ATL3: variants seen among roughly 807,000 people sequenced by gnomAD.
ATL3 encodes atlastin GTPase 3, also known as atlastin-3.
A neutral mutation model predicts 69.5 loss-of-function variants in ATL3; 49 were observed. That is an observed-to-expected ratio of 0.71 (90% confidence interval 0.56 to 0.89). The LOEUF (loss-of-function observed/expected upper bound fraction) is 0.89, where lower values mean the gene tolerates loss of function less well. Ranked by LOEUF, ATL3 falls within the 40% of genes least tolerant of loss-of-function variation. The pLI is 0.00. For missense variants in ATL3, 606 were observed against 645.7 expected, an observed-to-expected ratio of 0.94 and a Z score of 0.67; for synonymous variants, 214 against 224.1, an observed-to-expected ratio of 0.95 and a Z score of 0.40.
rs1266778323 is a variant in ATL3, at chr11:63,627,376, A to C, written c.*1943T>G. 1 of 152,216 alleles carries C rather than the reference A, an allele frequency of 6.6e-6. No individual in the cohort carries two copies. Among genetic ancestry groups the C allele is most frequent in the African/African-American group, 2.4e-5 (1 of 41,464 alleles). The allele number at this position is 152,216 out of a possible 1,614,324, so 9.4% of individuals were successfully genotyped here. On this transcript the variant is annotated 3_prime_UTR_variant, in exon 13 of 13. Transcript: ENST00000398868. ...TTCTAAAGTGTAACAGCAGTGAATA[A>C]AATAGCAAGAACTATTTGCAAGATG...
intron 12 of ATL3, among the ~76,000 whole-genome samples, chr11:63,629,870 C>T (rs1262232452): frequency 1.3e-5 from 2 of 151,492 alleles, no homozygotes; most frequent in Non-Finnish European, 2.9e-5. Context: ...AGCAAGACCT[C>T]GTCTCCAAAA....
chr11:63,670,395 A>G (rs1419578174), intron 1 of ATL3: 2 of 152,348 alleles, frequency 1.3e-5, no homozygotes, highest in East Asian at 1.9e-4. Flanking sequence ...AAAACGTTCC[A>G]TTGCTTCGTA....
intron 1 of ATL3, among the ~76,000 whole-genome samples, chr11:63,668,553 A>C (rs1389422546): frequency 6.6e-6 from 1 of 152,232 alleles, no homozygotes; most frequent in Non-Finnish European, 1.5e-5. Context: ...GAACAAAACC[A>C]TATTTTTTGT....
chr11:63,624,649 A>G lies in ATL3; in HGVS notation c.*4670T>C, dbSNP rs1939045896. 6.6e-6 allele frequency: 1 copy of G among 152,212 alleles called. No homozygotes were observed. The highest frequency in any genetic ancestry group is 2.4e-5 in the African/African-American group (1 of 41,452). The allele number at this position is 152,212 out of a possible 1,614,324, so 9.4% of individuals were successfully genotyped here. On this transcript the variant is annotated 3_prime_UTR_variant, in exon 13 of 13. Transcript: ENST00000398868. ...TTACTTTTTAAAAGAAAAACTATCA[A>G]AAATTGCTTTTAAAAAATCCTAATT...
chr11:63,670,858 C>T (rs551274401), intron 1 of ATL3, among the ~76,000 whole-genome samples: 7 of 152,358 alleles, frequency 4.6e-5, no homozygotes, highest in African/African-American at 1.7e-4. Context: ...ATTCTCCGAC[C>T]AGAGAGGGCG....
intron 5 of ATL3, among the ~76,000 whole-genome samples, chr11:63,649,558 G>A (rs1285153695): frequency 1.3e-5 from 2 of 150,708 alleles, no homozygotes; most frequent in African/African-American, 4.9e-5. Context: ...TAAAGACAGA[G>A]TCTCACTCTG....
intron 1 of ATL3, among the ~76,000 whole-genome samples, chr11:63,661,159 C>T (rs483144): frequency 1.3e-5 from 2 of 150,808 alleles, no homozygotes; most frequent in African/African-American, 2.4e-5. Context: ...GAGGCAGAAG[C>T]TGCAGTGAGC....
chr11:63,661,361 C>T (rs901745645), intron 1 of ATL3, among the ~76,000 whole-genome samples: 1 of 152,082 alleles, frequency 6.6e-6, no homozygotes, highest in Non-Finnish European at 1.5e-5. Flanking sequence ...GTTTTAGAAG[C>T]TATTAATTCT....
Position 63,659,226 on chromosome 11 carries a change from C to T in ATL3, c.73G>A (p.Gly25Ser). Reference protein sequence around the residue: ...ADDAMESSKPGPVQVVLVQKD... With the variant: ...ADDAMESSKPSPVQVVLVQKD... ...TGAACCAAAACAACCTGCACTGGAC[C>T]AGGCTTGCTGCTCTCCATGGCATCA... The change falls in exon 2 of 13, where the codon GGT becomes AGT. Residue 25 changes from glycine to serine, a missense_variant. Gly to Ser is a moderately conservative substitution (Grantham distance 56). Transcript: ENST00000398868. 1 of 1,614,040 alleles carries T rather than the reference C, an allele frequency of 6.2e-7. No individual in the cohort carries two copies. Among genetic ancestry groups the T allele is most frequent in the Non-Finnish European group, 8.5e-7 (1 of 1,180,004 alleles).
At chr11:63,642,403 T>C (rs1019844852) in intron 8 of ATL3, among the ~76,000 whole-genome samples, 2 of 152,196 alleles carry the variant, frequency 1.3e-5, no homozygotes, top group Admixed American at 1.3e-4. Context: ...CTAAATCAAA[T>C]AGGTTGGAAA....
In ATL3 at chr11:63,627,292, G is replaced by T. The variant is rs1374026316; in HGVS notation, c.*2027C>A. 1 of 152,196 alleles carries T rather than the reference G, an allele frequency of 6.6e-6. No individual in the cohort carries two copies. The highest frequency in any genetic ancestry group is 1.5e-5 in the Non-Finnish European group (1 of 68,034). 9.4% of individuals were successfully genotyped at this position (152,196 alleles called of 1,614,324 possible). On this transcript the variant is annotated 3_prime_UTR_variant, in exon 13 of 13. Coordinates refer to ENST00000398868, the MANE Select transcript of ATL3 (RefSeq NM_015459.5). Reference sequence around the variant, plus strand: ...CAACATTTCAGAAGCAAGCTTTCAAGTTAACAGTCAAAGCTTGGTTGGCAT... The same window carrying T: ...CAACATTTCAGAAGCAAGCTTTCAATTTAACAGTCAAAGCTTGGTTGGCAT...
At chr11:63,670,810 T>G (rs562315539) in intron 1 of ATL3, among the ~76,000 whole-genome samples, 2 of 152,288 alleles carry the variant, frequency 1.3e-5, no homozygotes, top group Admixed American at 1.3e-4. Flanking sequence ...AAAGGCCAAA[T>G]AAACCAGCAT....
At chr11:63,651,768 A>G (rs936154524) in intron 5 of ATL3, among the ~76,000 whole-genome samples, 168 bp downstream of exon 5, 1 of 151,646 alleles carries the variant, frequency 6.6e-6, no homozygotes, top group African/African-American at 2.4e-5. Flanking sequence ...TTCCCCGACC[A>G]CTCCTGCTCC....
At chr11:63,646,897 T>C (rs1167242822) in intron 5 of ATL3, among the ~76,000 whole-genome samples, 2 of 152,216 alleles carry the variant, frequency 1.3e-5, no homozygotes, top group South Asian at 2.1e-4. Flanking sequence ...AGTTAGATCA[T>C]ATAATGGCTT....
chr11:63,668,790 CTTTTTTTTTTTTTTT>C (rs386373974), intron 1 of ATL3, among the ~76,000 whole-genome samples: 1 of 81,492 alleles, frequency 1.2e-5, no homozygotes, highest in African/African-American at 4.7e-5. Context: ...AGCTGTGTTC[CTTTTTTTTTTTTTTT>C]TTTTTTTTTG....
At chr11:63,642,415 G>T (rs1405960552) in intron 8 of ATL3, among the ~76,000 whole-genome samples, 9 of 152,164 alleles carry the variant, frequency 5.9e-5, no homozygotes. Flanking sequence ...GGTTGGAAAT[G>T]ATGCATTTTA....
chr11:63,628,483 T>G lies in ATL3; in HGVS notation c.*836A>C, dbSNP rs998655665. 1 of 152,158 alleles carries G rather than the reference T, an allele frequency of 6.6e-6. No homozygotes were observed. The highest frequency in any genetic ancestry group is 6.5e-5 in the Admixed American group (1 of 15,272). 9.4% of individuals were successfully genotyped at this position (152,158 alleles called of 1,614,324 possible). A position where few individuals can be genotyped will look rare whatever the true frequency, so the allele number is the denominator to read the frequency against. On this transcript the variant is annotated 3_prime_UTR_variant, in exon 13 of 13. Coordinates refer to ENST00000398868, the MANE Select transcript of ATL3 (RefSeq NM_015459.5). ...TTTTTTTTGAGTGTAATGACATCAT[T>G]TTCAGTTAGTCTTTAGTTCTGAAGT...
intron 5 of ATL3, among the ~76,000 whole-genome samples, chr11:63,648,548 G>C (rs550682453): frequency 6.6e-6 from 1 of 152,054 alleles, no homozygotes; most frequent in African/African-American, 2.4e-5. Flanking sequence ...AGGGCTGGCC[G>C]CTCTAATCCC....
At chr11:63,652,387 T>C in intron 4 of ATL3, 84 bp downstream of exon 4, 1 of 853,240 alleles carries the variant, frequency 1.2e-6, no homozygotes, top group South Asian at 2.6e-5. Flanking sequence ...AGAAATTCTG[T>C]TAACAGAACA....
Sources: allele counts gnomAD v4.1 joint callset (sites outside exome capture counted in the v4.1 genomes callset), GRCh38; gene constraint gnomAD v4.1.1; transcripts MANE v1.5; gene names NCBI Gene and HGNC (gene_info 2026-07-23, HGNC 2026-07-21).